LRFN2: variants seen among roughly 807,000 people sequenced by gnomAD.
The protein encoded by LRFN2 is leucine rich repeat and fibronectin type III domain containing 2.
A neutral mutation model predicts 37.3 loss-of-function variants in LRFN2; 18 were observed. That is an observed-to-expected ratio of 0.48 (90% CI 0.33 to 0.72). LRFN2 has a LOEUF of 0.72. Ranked by LOEUF, LRFN2 falls within the 30% of genes least tolerant of loss-of-function variation. The probability of loss-of-function intolerance (pLI) is 0.02; values close to 1 mark genes in which losing one functional copy is unlikely to be tolerated. For synonymous variants in LRFN2, 556 were observed against 466.6 expected, an observed-to-expected ratio of 1.19 and a Z score of -2.47; for missense variants, 1,006 against 1,060.7, an observed-to-expected ratio of 0.95 and a Z score of 0.72.
chr6:40,408,530 G>A (rs1762895321), intron 2 of LRFN2, among the ~76,000 whole-genome samples: 1 of 152,168 alleles, frequency 6.6e-6, no homozygotes, highest in Non-Finnish European at 1.5e-5. Context: ...GCAGAAGTTG[G>A]CAGGAATCAA....
At chr6:40,474,960 T>C (rs1764678300) in intron 1 of LRFN2, among the ~76,000 whole-genome samples, 1 of 152,210 alleles carries the variant, frequency 6.6e-6, no homozygotes, top group South Asian at 2.1e-4. Context: ...TTCTGGGTCT[T>C]CAAGGACAAT....
At chr6:40,489,926 C>T (rs931300586) in intron 1 of LRFN2, among the ~76,000 whole-genome samples, 1 of 152,202 alleles carries the variant, frequency 6.6e-6, no homozygotes, top group Admixed American at 6.5e-5. Context: ...CCACCTCAGC[C>T]CCAGCTGCTG....
At chr6:40,468,674 T>C (rs1354156046) in intron 1 of LRFN2, among the ~76,000 whole-genome samples, 1 of 152,086 alleles carries the variant, frequency 6.6e-6, no homozygotes, top group Non-Finnish European at 1.5e-5. Context: ...TGGGCAGTTA[T>C]AGAGGTGCTG....
At chr6:40,526,429 C>G (rs1041192489) in intron 1 of LRFN2, among the ~76,000 whole-genome samples, 1 of 152,216 alleles carries the variant, frequency 6.6e-6, no homozygotes, top group Non-Finnish European at 1.5e-5. Flanking sequence ...CTGCCCTGTA[C>G]TGGTTTCCTA....
intron 1 of LRFN2, among the ~76,000 whole-genome samples, chr6:40,478,518 C>A (rs1447723778): frequency 1.3e-5 from 2 of 152,202 alleles, no homozygotes; most frequent in Non-Finnish European, 2.9e-5. Context: ...CACAGTCACA[C>A]AGCTGGAAAG....
intron 1 of LRFN2, among the ~76,000 whole-genome samples, chr6:40,443,840 C>T (rs1040551243): frequency 6.6e-6 from 1 of 152,136 alleles, no homozygotes; most frequent in Non-Finnish European, 1.5e-5. Context: ...AGCCTTCCAC[C>T]CCTAGCCTAA....
chr6:40,424,804 C>T (rs934482498), intron 2 of LRFN2, among the ~76,000 whole-genome samples: 2 of 152,172 alleles, frequency 1.3e-5, no homozygotes, highest in African/African-American at 4.8e-5. Context: ...CTGGCATGCC[C>T]CACTCCCTTT....
chr6:40,444,855 T>C (rs1462811554), intron 1 of LRFN2, among the ~76,000 whole-genome samples: 1 of 152,164 alleles, frequency 6.6e-6, no homozygotes, highest in Admixed American at 6.5e-5. Flanking sequence ...TTTCCTGCTT[T>C]GCAATTTTTT....
At chr6:40,549,283 A>G (rs188034622) in intron 1 of LRFN2, among the ~76,000 whole-genome samples, 2 of 152,326 alleles carry the variant, frequency 1.3e-5, no homozygotes, top group Admixed American at 6.5e-5. Flanking sequence ...CAAGATGTCA[A>G]CTGGGCTAGT....
intron 1 of LRFN2, among the ~76,000 whole-genome samples, chr6:40,573,994 T>C (rs1398890833): frequency 6.6e-6 from 1 of 152,074 alleles, no homozygotes; most frequent in South Asian, 2.1e-4. Context: ...AAACCACAAC[T>C]GAAAGTACTG....
intron 1 of LRFN2, among the ~76,000 whole-genome samples, chr6:40,465,887 A>AG (rs1284448777): frequency 6.6e-6 from 1 of 152,104 alleles, no homozygotes; most frequent in Non-Finnish European, 1.5e-5. Context: ...AAGTTCCTGG[A>AG]GGGGAAGGGA....
intron 1 of LRFN2, among the ~76,000 whole-genome samples, chr6:40,534,414 C>G (rs1766411297): frequency 6.6e-6 from 1 of 151,986 alleles, no homozygotes; most frequent in Non-Finnish European, 1.5e-5. Context: ...CCCACTCCCC[C>G]CAACTGCTGA....
At chr6:40,514,214 C>A (rs1201926948) in intron 1 of LRFN2, among the ~76,000 whole-genome samples, 3 of 152,002 alleles carry the variant, frequency 2.0e-5, no homozygotes, top group Non-Finnish European at 4.4e-5. Flanking sequence ...TGAAAGAAAG[C>A]GTTCCATGCT....
chr6:40,544,535 G>A (rs7768768), intron 1 of LRFN2, among the ~76,000 whole-genome samples: 68,320 of 151,610 alleles, frequency 0.45, 16,362 homozygotes, highest in African/African-American at 0.62. Flanking sequence ...CCAAAGCTCT[G>A]TGAGGCTATA....
intron 1 of LRFN2, among the ~76,000 whole-genome samples, chr6:40,501,993 C>A (rs1581755331): frequency 6.6e-6 from 1 of 152,118 alleles, no homozygotes; most frequent in Non-Finnish European, 1.5e-5. Context: ...CAGTGGAGAC[C>A]CAGAGAGGGT....
In LRFN2 at chr6:40,586,697, G is replaced by C. The variant is rs747175085; in HGVS notation, c.-19+244C>G. On this transcript the variant is annotated intron_variant, in intron 1 of 2. Transcript: ENST00000338305. The stretch of plus-strand genomic sequence containing the variant: ...GTCTCACATGGACCCGGCTCTCCCC[G>C]CTCCCCGCCAGAGTTTCACCCCCAC... Among the ~76,000 whole-genome samples, 6 of 152,056 alleles carry C rather than the reference G, an allele frequency of 3.9e-5. No individual in the cohort carries two copies. In the East Asian group the frequency reaches 1.2e-3, roughly 30 times the overall value.
intron 2 of LRFN2, among the ~76,000 whole-genome samples, chr6:40,398,209 C>T (rs1762654990): frequency 6.6e-6 from 1 of 151,712 alleles, no homozygotes; most frequent in Non-Finnish European, 1.5e-5. Context: ...GCTCCACCCA[C>T]CAGATGCCAG....
chr6:40,413,863 G>A (rs1763030464), intron 2 of LRFN2, among the ~76,000 whole-genome samples: 1 of 152,140 alleles, frequency 6.6e-6, no homozygotes, highest in Admixed American at 6.5e-5. Context: ...GGGATGGGTG[G>A]GTCTGGTTCA....
At chr6:40,525,922 C>CAG (rs1766241968) in intron 1 of LRFN2, among the ~76,000 whole-genome samples, 2 of 152,320 alleles carry the variant, frequency 1.3e-5, no homozygotes, top group African/African-American at 4.8e-5. Flanking sequence ...GAACCCCCCT[C>CAG]AGAGGGCCAG....
Sources: gnomAD v4.1 joint callset for allele counts (sites outside exome capture counted in the v4.1 genomes callset) on GRCh38, gnomAD v4.1.1 for gene constraint, MANE v1.5 for transcripts, NCBI Gene and HGNC (gene_info 2026-07-23, HGNC 2026-07-21) for gene names.